Variants in FHAD1 observed in about 807,000 individuals in gnomAD.
The protein encoded by FHAD1 is forkhead associated phosphopeptide binding domain 1.
A neutral mutation model predicts 191.3 loss-of-function variants in FHAD1; 146 were observed. That is an observed-to-expected ratio of 0.76 (90% CI 0.67 to 0.88). FHAD1 has a LOEUF of 0.88. Ranked by LOEUF, FHAD1 falls within the 40% of genes least tolerant of loss-of-function variation. The pLI is 0.00. For missense variants in FHAD1, 1,635 were observed against 1,785.8 expected (o/e 0.92, Z 1.52); for synonymous variants, 616 against 672.3 (o/e 0.92, Z 1.29).
At chr1:15,353,248 C>T (rs767621048) in intron 20 of FHAD1, among the ~76,000 whole-genome samples, 10 of 152,138 alleles carry the variant, frequency 6.6e-5, no homozygotes, top group South Asian at 6.2e-4. Flanking sequence ...CTCAGCACTC[C>T]GCATGTATGT....
chr1:15,273,923 A>T (rs1657210366), intron 3 of FHAD1, among the ~76,000 whole-genome samples: 2 of 152,034 alleles, frequency 1.3e-5, no homozygotes, highest in African/African-American at 2.4e-5. Flanking sequence ...GCCTCTAACG[A>T]CCACCGTTCT....
At chr1:15,267,650 A>T (rs1654099595) in intron 2 of FHAD1, among the ~76,000 whole-genome samples, 1 of 151,894 alleles carries the variant, frequency 6.6e-6, no homozygotes, top group Non-Finnish European at 1.5e-5. Context: ...GGCCCAGATC[A>T]TCTATTCCTC....
intron 14 of FHAD1, among the ~76,000 whole-genome samples, chr1:15,338,436 C>A (rs1685153311): frequency 6.6e-6 from 1 of 152,176 alleles, no homozygotes; most frequent in South Asian, 2.1e-4. Context: ...TGTCTGTGGT[C>A]AAGCCTCCGT....
chr1:15,275,660 C>T (rs1478905105), intron 3 of FHAD1, among the ~76,000 whole-genome samples: 3 of 152,122 alleles, frequency 2.0e-5, no homozygotes, highest in Non-Finnish European at 4.4e-5. Context: ...CTGATGACCT[C>T]GACCTGTGAG....
chr1:15,382,815 G>T (rs887791055), intron 31 of FHAD1, among the ~76,000 whole-genome samples: 1 of 152,184 alleles, frequency 6.6e-6, no homozygotes, highest in Non-Finnish European at 1.5e-5. Flanking sequence ...GCCAGTGACC[G>T]CAAAGGAGAG....
rs890930277 is a variant in FHAD1, at chr1:15,247,371, A to G, written c.-39A>G. On this transcript the variant is annotated 5_prime_UTR_variant, in exon 1 of 34. Coordinates refer to ENST00000688493, the MANE Select transcript of FHAD1 (RefSeq NM_001391957.1). ...TGGCAGGGCTCTCGGCGGAGGTCGG[A>G]GCGTGGGCTTCCTCCTCCCGCCAGG... 1.3e-5 allele frequency: 3 copies of G among 226,706 alleles called. No homozygotes were observed. Among genetic ancestry groups the G allele is most frequent in the African/African-American group, 2.4e-5 (1 of 42,254 alleles). 14.0% of individuals were successfully genotyped at this position (226,706 alleles called of 1,614,324 possible). A position where few individuals can be genotyped will look rare whatever the true frequency, so the allele number is the denominator to read the frequency against.
At chr1:15,279,657 A>G (rs1444736213) in intron 3 of FHAD1, among the ~76,000 whole-genome samples, 2 of 150,754 alleles carry the variant, frequency 1.3e-5, no homozygotes, top group African/African-American at 4.9e-5. Flanking sequence ...TGGCAACCCC[A>G]GCACCTTCCA....
chr1:15,345,027 G>T, intron 16 of FHAD1, 56 bp from the exon 17 acceptor site: 1 of 1,380,040 alleles, frequency 7.2e-7, no homozygotes, highest in African/African-American at 1.4e-5. Context: ...GCCTGGCAGC[G>T]TCCAAATTCC....
intron 2 of FHAD1, among the ~76,000 whole-genome samples, chr1:15,260,937 C>A (rs1488356735): frequency 6.6e-6 from 1 of 152,180 alleles, no homozygotes; most frequent in Non-Finnish European, 1.5e-5. Flanking sequence ...GACACGGACA[C>A]CTTTGTGGGA....
At position 15,254,316 on chromosome 1, in the gene FHAD1, G is replaced by C. The variant is rs1355766850; in HGVS notation, c.93+2439G>C. On this transcript the variant is annotated intron_variant, in intron 2 of 33. Transcript: ENST00000688493. ...TTTGAATCTCTTAGACCGTTTTCTG[G>C]CTGTGTGACTTCAAGCAAACTACTT... 2.6e-5 allele frequency among the ~76,000 whole-genome samples: 4 copies of C among 152,122 alleles called. No individual in the cohort carries two copies. The East Asian group carries it at 7.7e-4, about 29-fold the overall frequency.
intron 6 of FHAD1, among the ~76,000 whole-genome samples, chr1:15,304,110 C>G (rs987258575): frequency 2.0e-5 from 3 of 152,208 alleles, no homozygotes; most frequent in Admixed American, 2.0e-4. Context: ...CTTTATTCTC[C>G]TGGGTCTCCT....
chr1:15,317,637 A>C (rs1381822350), intron 9 of FHAD1, among the ~76,000 whole-genome samples, 187 bp from the exon 10 acceptor site: 2 of 152,208 alleles, frequency 1.3e-5, no homozygotes, highest in Non-Finnish European at 2.9e-5. Context: ...CAGTCGAAAA[A>C]TAAAGTCTAT....
chr1:15,324,663 G>C (rs1677590044), intron 11 of FHAD1, 104 bp downstream of exon 11: 12 of 781,694 alleles, frequency 1.5e-5, no homozygotes, highest in Non-Finnish European at 2.6e-5. Flanking sequence ...TAGAAAGACA[G>C]ACGTGCGTTA....
intron 28 of FHAD1, among the ~76,000 whole-genome samples, chr1:15,379,876 C>G (rs1013103235): frequency 6.6e-6 from 1 of 152,174 alleles, no homozygotes; most frequent in Non-Finnish European, 1.5e-5. Context: ...AATCTCAAGG[C>G]AGAAGAATTT....
At chr1:15,394,817 T>C (rs528025714) in intron 33 of FHAD1, among the ~76,000 whole-genome samples, 1 of 152,224 alleles carries the variant, frequency 6.6e-6, no homozygotes, top group South Asian at 2.1e-4. Context: ...ATGTGCAGCC[T>C]GAAGGCTGGG....
rs184737139 is a variant in FHAD1 at position 15,278,521 on chromosome 1, T to C, written c.300+5992T>C. Among the ~76,000 whole-genome samples the C allele has an allele frequency of 5.7e-3, 849 of 147,758 alleles. 8 individuals are homozygous for C. The highest frequency in any genetic ancestry group is 0.017 in the Middle Eastern group (5 of 286). The stretch of plus-strand genomic sequence containing the variant: ...CGGAGTCTCACTCTGTTGCTTAGGC[T>C]GGAGTGCAGTGGCACGATCTCAGTT... On this transcript the variant is annotated intron_variant, in intron 3 of 33. Transcript: ENST00000688493.
chr1:15,304,191 C>T (rs967870392), intron 6 of FHAD1, among the ~76,000 whole-genome samples: 3 of 152,224 alleles, frequency 2.0e-5, no homozygotes, highest in Non-Finnish European at 2.9e-5. Context: ...CAATGCGTAC[C>T]GCCATGCGGC....
chr1:15,239,197 A>G (rs116129922), intron 1 of FHAD1, among the ~76,000 whole-genome samples: 1,719 of 152,260 alleles, frequency 0.011, 33 homozygotes, highest in African/African-American at 0.038. Context: ...ATGAGCTACC[A>G]TGCTCAGCCC....
At chr1:15,253,263 T>C in intron 2 of FHAD1, among the ~76,000 whole-genome samples, 1 of 152,128 alleles carries the variant, frequency 6.6e-6, no homozygotes, top group Non-Finnish European at 1.5e-5. Context: ...TAGATTTGTG[T>C]GTAGCAATCA....
Sources: allele counts gnomAD v4.1 joint callset (sites outside exome capture counted in the v4.1 genomes callset), GRCh38; gene constraint gnomAD v4.1.1; transcripts MANE v1.5; gene names NCBI Gene and HGNC (gene_info 2026-07-23, HGNC 2026-07-21).